Variants in HSD17B12 observed in about 807,000 individuals in gnomAD.
HSD17B12 encodes the protein very-long-chain 3-oxoacyl-CoA reductase.
HSD17B12 carries 32 observed loss-of-function variants against 39.3 expected under a neutral mutation model. That is an observed-to-expected ratio of 0.81 (90% CI 0.61 to 1.09). The LOEUF (loss-of-function observed/expected upper bound fraction) is 1.09, where lower values mean the gene tolerates loss of function less well. Ranked by LOEUF, HSD17B12 falls within the 50% of genes least tolerant of loss-of-function variation. The pLI is 0.00. For missense variants in HSD17B12, 342 were observed against 382.9 expected, an observed-to-expected ratio of 0.89 and a Z score of 0.89; for synonymous variants, 150 against 146.7, an observed-to-expected ratio of 1.02 and a Z score of -0.16.
At chr11:43,765,134 A>G (rs1160606359) in intron 3 of HSD17B12, among the ~76,000 whole-genome samples, 3 of 151,128 alleles carry the variant, frequency 2.0e-5, no homozygotes, top group Non-Finnish European at 3.0e-5. Flanking sequence ...TCATTCTTTT[A>G]TGTAAATGAT....
intron 6 of HSD17B12, among the ~76,000 whole-genome samples, chr11:43,821,883 G>A (rs765789772): frequency 5.3e-5 from 8 of 152,158 alleles, no homozygotes; most frequent in Admixed American, 1.3e-4. Context: ...TTTTTTATTC[G>A]CAATTTTCAG....
chr11:43,725,361 C>G (rs1950211735), intron 1 of HSD17B12, among the ~76,000 whole-genome samples: 1 of 152,194 alleles, frequency 6.6e-6, no homozygotes, highest in African/African-American at 2.4e-5. Context: ...ATGCCTAGCA[C>G]ATAGTAAGCA....
rs1181575602 is a variant in HSD17B12, at chr11:43,754,127, T to C, written c.283+6T>C. On this transcript the variant is annotated splice_donor_region_variant and intron_variant, in intron 3 of 10. Coordinates refer to ENST00000278353, the MANE Select transcript of HSD17B12 (RefSeq NM_016142.3). ...CCAGGTTTCCAGTGAAATAAGTAAG[T>C]TCTCACATCAAACAAAAGGAATACA... The C allele has an allele frequency of 6.3e-7, 1 of 1,591,750 alleles. No individual in the cohort carries two copies. The highest frequency in any genetic ancestry group is 1.3e-5 in the African/African-American group (1 of 74,456).
chr11:43,810,189 C>A (rs1019049728), intron 4 of HSD17B12, among the ~76,000 whole-genome samples: 2 of 151,802 alleles, frequency 1.3e-5, no homozygotes, highest in Non-Finnish European at 2.9e-5. Flanking sequence ...ACCCAGATAC[C>A]AAAAATCTAA....
chr11:43,579,266 G>A, the HSD17B12 span: 12 of 152,154 alleles, frequency 7.9e-5, no homozygotes, highest in African/African-American at 2.9e-4. Flanking sequence ...GCTAAGCGAC[G>A]AGTCTTCAAC....
chr11:43,662,102 A>G, the HSD17B12 span, among the ~76,000 whole-genome samples: 3 of 152,224 alleles, frequency 2.0e-5, no homozygotes, highest in Admixed American at 2.0e-4. Context: ...TGGGAGGCCA[A>G]GGTGGAAGGA....
the HSD17B12 span, among the ~76,000 whole-genome samples, chr11:43,636,961 T>C: frequency 3.9e-5 from 6 of 152,200 alleles, no homozygotes; most frequent in Non-Finnish European, 8.8e-5. Context: ...GCAAGCTCTG[T>C]ACCCAAAATG....
chr11:43,686,595 G>GT (rs368909117), intron 1 of HSD17B12, among the ~76,000 whole-genome samples: 92,278 of 131,836 alleles, frequency 0.7, 32,702 homozygotes, highest in East Asian at 0.92. Context: ...CTCCCACCCT[G>GT]TTTTTTTTTT....
the HSD17B12 span, among the ~76,000 whole-genome samples, chr11:43,613,388 T>C: frequency 6.7e-6 from 1 of 148,750 alleles, no homozygotes; most frequent in Non-Finnish European, 1.5e-5. Flanking sequence ...GGGAACTCTG[T>C]CTCAAAAAAA....
chr11:43,566,312 C>A, the HSD17B12 span, among the ~76,000 whole-genome samples: 638 of 152,228 alleles, frequency 4.2e-3, 29 homozygotes, highest in Admixed American at 0.041. Flanking sequence ...ATATTTTTAA[C>A]CTTCCTGAAT....
In HSD17B12 at chr11:43,681,005, C is replaced by T. The variant is rs374363381; in HGVS notation, c.160+18C>T. 22 of 1,571,380 alleles carry T rather than the reference C, an allele frequency of 1.4e-5. No homozygotes were observed. The highest frequency in any genetic ancestry group is 3.5e-5 in the South Asian group (3 of 86,922). On this transcript the variant is annotated intron_variant, in intron 1 of 10. Coordinates refer to ENST00000278353, the MANE Select transcript of HSD17B12 (RefSeq NM_016142.3). ...ATGGGCAGGTGAGTCGGATGCAGCG[C>T]CGCGTCCTCGCTCCCGCGGCGGCCC...
At chr11:43,735,409 T>C (rs540234318) in intron 1 of HSD17B12, among the ~76,000 whole-genome samples, 2 of 152,274 alleles carry the variant, frequency 1.3e-5, no homozygotes, top group Admixed American at 6.5e-5. Flanking sequence ...GGCTTTAATT[T>C]CCCCACATCC....
chr11:43,710,930 A>G (rs532053179), intron 1 of HSD17B12, among the ~76,000 whole-genome samples: 12 of 152,172 alleles, frequency 7.9e-5, no homozygotes, highest in African/African-American at 2.9e-4. Flanking sequence ...AGGTGGGACA[A>G]CAGGTGCATG....
intron 3 of HSD17B12, among the ~76,000 whole-genome samples, chr11:43,773,943 T>C (rs1950673530): frequency 1.3e-5 from 2 of 152,250 alleles, no homozygotes; most frequent in Admixed American, 1.3e-4. Flanking sequence ...TATTTTACTC[T>C]ATGCCTCTCT....
chr11:43,742,565 T>A (rs1364015616), intron 1 of HSD17B12, among the ~76,000 whole-genome samples: 1 of 152,204 alleles, frequency 6.6e-6, no homozygotes, highest in Non-Finnish European at 1.5e-5. Flanking sequence ...TATGTTTGTA[T>A]GTTATTGCAA....
the HSD17B12 span, among the ~76,000 whole-genome samples, chr11:43,614,398 A>G: frequency 1.3e-5 from 2 of 152,094 alleles, no homozygotes; most frequent in African/African-American, 4.8e-5. Context: ...TCCTCTGTAT[A>G]TGTGTGCCTG....
chr11:43,747,462 C>T (rs1950422125), intron 1 of HSD17B12, among the ~76,000 whole-genome samples: 1 of 151,994 alleles, frequency 6.6e-6, no homozygotes, highest in Non-Finnish European at 1.5e-5. Flanking sequence ...CATAAACTGC[C>T]CATAAAAATA....
At chr11:43,656,991 G>C in the HSD17B12 span, among the ~76,000 whole-genome samples, 1 of 152,134 alleles carries the variant, frequency 6.6e-6, no homozygotes, top group Non-Finnish European at 1.5e-5. Context: ...GTCTAATGTT[G>C]ACAGTGGGGT....
chr11:43,677,720 G>A (rs1044919691), upstream of HSD17B12, among the ~76,000 whole-genome samples: 1 of 149,108 alleles, frequency 6.7e-6, no homozygotes, highest in African/African-American at 2.5e-5. Context: ...GCGATAGTTT[G>A]CTGAGAATGA....
Sources: gnomAD v4.1 joint callset for allele counts (sites outside exome capture counted in the v4.1 genomes callset) on GRCh38, gnomAD v4.1.1 for gene constraint, MANE v1.5 for transcripts, NCBI Gene and HGNC (gene_info 2026-07-23, HGNC 2026-07-21) for gene names.